Variants in BRD7 observed in about 807,000 individuals in gnomAD.
BRD7 encodes the protein bromodomain-containing protein 7.
BRD7 carries 15 observed loss-of-function variants against 82.1 expected under a neutral mutation model. The observed-to-expected ratio is 0.18, with a 90% CI of 0.12 to 0.28. The LOEUF (loss-of-function observed/expected upper bound fraction) is 0.28. Among genes scored for constraint, BRD7 ranks in the 10% least tolerant of loss-of-function variants. The pLI is 1.00. For synonymous variants in BRD7, 232 were observed against 266.9 expected (o/e 0.87, Z 1.27); for missense variants, 638 against 779.9 (o/e 0.82, Z 2.17).
chr16:50,340,795 T>C (rs2038014732), intron 5 of BRD7, among the ~76,000 whole-genome samples: 1 of 152,204 alleles, frequency 6.6e-6, no homozygotes, highest in African/African-American at 2.4e-5. Context: ...CGCTATGTGC[T>C]GGAGAACTTG....
intron 6 of BRD7, among the ~76,000 whole-genome samples, chr16:50,338,794 C>T (rs568348006): frequency 6.6e-6 from 1 of 152,250 alleles, no homozygotes; most frequent in South Asian, 2.1e-4. Flanking sequence ...ATGTCTTGCC[C>T]AAAGTCCACA....
In BRD7 at chr16:50,326,387, T is replaced by C; in HGVS notation, c.1092A>G (p.Pro364=). 6.3e-7 allele frequency: 1 copy of C among 1,577,482 alleles called. No individual in the cohort carries two copies. The highest frequency in any genetic ancestry group is 2.3e-5 in the East Asian group (1 of 44,128). The change falls in exon 10 of 17, where the codon CCA becomes CCG. Residue 364 remains proline, a synonymous_variant. Transcript: ENST00000394688. ...LHPVDPIVGE[P]GYCPVRLGMT... ...TTCCCAGTCTCACAGGGCAGTAGCC[T>C]GGCTCTACAACATAAAACAGAGCAC...
At chr16:50,334,482 A>G (rs187305511) in intron 7 of BRD7, among the ~76,000 whole-genome samples, 20 of 152,294 alleles carry the variant, frequency 1.3e-4, no homozygotes, top group Middle Eastern at 3.4e-3. Context: ...AACTACTTCA[A>G]TAAGAATACA....
At position 50,325,843 on chromosome 16, in the gene BRD7, C is replaced by T. The variant is rs765434269; in HGVS notation, c.1236G>A (p.Pro412=). Residue 412 remains proline, a synonymous_variant, in exon 11 of 17, where the codon CCG becomes CCA. Coordinates refer to ENST00000394688, the MANE Select transcript of BRD7 (RefSeq NM_013263.5). ...LNYGPYSSYA[P]HYDSTFANIS... The stretch of plus-strand genomic sequence containing the variant: ...TATTTGCAAATGTGGAGTCATAATG[C>T]GGTGCATAAGAACTGTAGGGCCCAT... 2.7e-5 allele frequency: 43 copies of T among 1,611,420 alleles called. No individual in the cohort carries two copies. The highest frequency in any genetic ancestry group is 1.9e-4 in the African/African-American group (14 of 74,788).
At chr16:50,328,592 G>C in intron 9 of BRD7, 77 bp downstream of exon 9, 1 of 1,258,322 alleles carries the variant, frequency 7.9e-7, no homozygotes, top group Non-Finnish European at 1.1e-6. Flanking sequence ...CAAGCTTGTT[G>C]CTTTAAAATG....
intron 2 of BRD7, among the ~76,000 whole-genome samples, chr16:50,364,412 C>T (rs905919876): frequency 1.8e-4 from 27 of 152,184 alleles, no homozygotes; most frequent in Non-Finnish European, 3.1e-4. Context: ...CTCCCTGCTT[C>T]CCTGGTCTAG....
chr16:50,366,861 T>TG (rs1325649783), intron 2 of BRD7, among the ~76,000 whole-genome samples: 11 of 152,168 alleles, frequency 7.2e-5, no homozygotes, highest in Admixed American at 1.3e-4. Flanking sequence ...TGTGAAGGAT[T>TG]GGGGTGAGGA....
rs949853003 is a variant in BRD7 at position 50,368,111 on chromosome 16, C to T, written c.237G>A (p.Gly79=). 1.2e-6 allele frequency: 2 copies of T among 1,613,986 alleles called. No homozygotes were observed. The highest frequency in any genetic ancestry group is 1.3e-5 in the African/African-American group (1 of 75,048). Residue 79 remains glycine, a synonymous_variant, in exon 2 of 17, where the codon GGG becomes GGA. Transcript: ENST00000394688. ...GEKQIPGEEK[G]RKRRRVKEDK... is the part of the protein sequence containing the mutation. ...GTACCTTAACTCTTCTCCGTTTTCT[C>T]CCCTTTTCTTCCCCTGGAATCTGCT...
At chr16:50,325,061 T>G (rs1489416539) in intron 11 of BRD7, among the ~76,000 whole-genome samples, 1 of 152,208 alleles carries the variant, frequency 6.6e-6, no homozygotes, top group East Asian at 1.9e-4. Context: ...TTCTTATATG[T>G]AATGAAAATT....
chr16:50,366,306 G>C (rs183646208), intron 2 of BRD7, among the ~76,000 whole-genome samples: 1 of 152,326 alleles, frequency 6.6e-6, no homozygotes, highest in East Asian at 1.9e-4. Flanking sequence ...GGAAGCAGGT[G>C]AAGGAGAGTC....
chr16:50,334,825 T>C lies in BRD7; in HGVS notation c.773A>G (p.Asp258Gly). ...CCCACTCTGTGAGGTGTCTGTTCCA[T>C]CTTTCTGCTTTCGAGTTTTCTGCAA... ...ADLQKTRKQK[D>G]GTDTSQSGED... The change falls in exon 7 of 17, where the codon GAT becomes GGT. Residue 258 changes from aspartate (D) to glycine (G), a missense_variant. Transcript: ENST00000394688. The C allele has an allele frequency of 6.2e-7, 1 of 1,614,190 alleles. No homozygotes were observed. The highest frequency in any genetic ancestry group is 8.5e-7 in the Non-Finnish European group (1 of 1,180,018).
In BRD7 at chr16:50,340,099, C is replaced by A. The variant is rs761743474; in HGVS notation, c.592-13G>T. 2 of 1,445,690 alleles carry A rather than the reference C, an allele frequency of 1.4e-6. No homozygotes were observed. Among genetic ancestry groups the A allele is most frequent in the South Asian group, 2.6e-5 (2 of 78,192 alleles). 89.6% of individuals were successfully genotyped at this position (1,445,690 alleles called of 1,614,324 possible). On this transcript the variant is annotated splice_polypyrimidine_tract_variant and intron_variant, in intron 5 of 16. Coordinates refer to ENST00000394688, the MANE Select transcript of BRD7 (RefSeq NM_013263.5). ...GTTTGAAGTTATCCTGCAGAAAGAA[C>A]ATTAAGGGAGAAAATGCATTAATGC... is the stretch of plus-strand genomic sequence containing the variant.
chr16:50,319,366 G>A (rs982332774), intron 16 of BRD7, 100 bp from the exon 17 acceptor site: 1 of 1,124,814 alleles, frequency 8.9e-7, no homozygotes, highest in African/African-American at 1.6e-5. Flanking sequence ...TAACTGCTGA[G>A]AGCCCTTCTT....
chr16:50,349,549 G>A (rs1224562678), intron 5 of BRD7: 4 of 469,316 alleles, frequency 8.5e-6, no homozygotes, highest in Non-Finnish European at 1.3e-5. Context: ...CTCCAGCCAT[G>A]TGTCCTGTAC....
chr16:50,344,457 A>G (rs1487244905), intron 5 of BRD7, among the ~76,000 whole-genome samples: 2 of 152,132 alleles, frequency 1.3e-5, no homozygotes, highest in Non-Finnish European at 2.9e-5. Context: ...ATCAGTAATA[A>G]CAAACTTCTC....
intron 4 of BRD7, among the ~76,000 whole-genome samples, chr16:50,351,876 C>T (rs568766745): frequency 4.2e-5 from 6 of 144,542 alleles, no homozygotes; most frequent in Non-Finnish European, 7.5e-5. Context: ...ATAATCAAAT[C>T]AAGGTAATTA....
chr16:50,329,667 GCACTGTGGTCAGGAAGGGCAGCCGGCAGC>G (rs1272852269), intron 8 of BRD7, among the ~76,000 whole-genome samples: 37 of 152,184 alleles, frequency 2.4e-4, no homozygotes, highest in African/African-American at 8.7e-4. Flanking sequence ...GCCATCCATC[GCACTGTGGTCAGGAAGGGCAGCCGGCAGC>G]CACTGCAGCA....
chr16:50,358,350 T>TCCCATCTCTACAAAAAATACAAAAATTAG (rs61455994), intron 2 of BRD7, among the ~76,000 whole-genome samples: 1 of 151,088 alleles, frequency 6.6e-6, no homozygotes, highest in African/African-American at 2.4e-5. Flanking sequence ...CATAGCGAAA[T>TCCCATCTCTACAAAAAATACAAAAATTAG]CCAGGAGTTT....
chr16:50,338,516 C>T (rs762494505), intron 6 of BRD7, among the ~76,000 whole-genome samples: 14 of 152,196 alleles, frequency 9.2e-5, no homozygotes, highest in Non-Finnish European at 1.3e-4. Context: ...AAACCACATG[C>T]AGATGCACGA....
Sources: gnomAD v4.1 joint callset for allele counts (sites outside exome capture counted in the v4.1 genomes callset) on GRCh38, gnomAD v4.1.1 for gene constraint, MANE v1.5 for transcripts, NCBI Gene and HGNC (gene_info 2026-07-23, HGNC 2026-07-21) for gene names.